Variants in ALG13 observed in about 807,000 individuals in gnomAD.
The protein encoded by ALG13 is UDP-N-acetylglucosamine transferase subunit ALG13.
In ALG13, 11 loss-of-function variants were observed where a neutral mutation model predicts 87.8. The ratio of observed to expected loss-of-function variants is 0.13; its 90% confidence interval spans 0.08 to 0.21. The LOEUF (loss-of-function observed/expected upper bound fraction) is 0.21, where lower values mean the gene tolerates loss of function less well. Among genes scored for constraint, ALG13 ranks in the 10% least tolerant of loss-of-function variants. The pLI, the probability that ALG13 is intolerant of heterozygous loss-of-function variation, is 1.00. For missense variants in ALG13, 756 were observed against 866.1 expected (o/e 0.87, Z 1.60); for synonymous variants, 320 against 306.3 (o/e 1.04, Z -0.47).
chrX:111,688,363 C>A, intron 3 of ALG13: 1 of 718,795 alleles, frequency 1.4e-6, no homozygotes, highest in African/African-American at 2.3e-5. Context: ...GAAACAGTAA[C>A]AACTTTTATG....
At position 111,735,060 on chromosome X, in the gene ALG13, G is replaced by T; in HGVS notation, c.2467G>T (p.Asp823Tyr). The T allele has an allele frequency of 8.5e-7, 1 of 1,173,962 alleles. No homozygotes were observed. The highest frequency in any genetic ancestry group is 3.0e-5 in the East Asian group (1 of 33,479). The change falls in exon 22 of 27, where the codon GAC (aspartate) becomes TAC (tyrosine). Residue 823 changes from aspartate to tyrosine, a missense_variant. Coordinates refer to ENST00000394780, the MANE Select transcript of ALG13 (RefSeq NM_001099922.3). Reference protein sequence around the residue: ...TASTANLSLQDRKSCSMSPQD... With the variant: ...TASTANLSLQYRKSCSMSPQD... ...TATTTTTGTATTAAAGTCTCTTCAG[G>T]ACAGAAAGTCATGTTCTATGTCTCC...
intron 3 of ALG13, chrX:111,690,142 A>G (rs1018676592): frequency 2.7e-5 from 20 of 750,878 alleles, no homozygotes; most frequent in Admixed American, 2.6e-4. Flanking sequence ...TTTACATCTT[A>G]TTAGTCCTTA....
intron 23 of ALG13, among the ~76,000 whole-genome samples, chrX:111,741,221 G>T (rs777858148): frequency 1.1e-3 from 121 of 111,707 alleles, no homozygotes; most frequent in Non-Finnish European, 1.9e-3. Context: ...AGGTCAAAGG[G>T]CCCAGGTTCT....
intron 23 of ALG13, among the ~76,000 whole-genome samples, chrX:111,739,113 A>G (rs188861025): frequency 1.1e-4 from 12 of 112,247 alleles, no homozygotes; most frequent in African/African-American, 3.2e-4. Flanking sequence ...ATTTACTCAC[A>G]GTTCTGCATG....
intron 1 of ALG13, 23 bp from the exon 2 acceptor site, chrX:111,682,109 C>T: frequency 3.5e-6 from 4 of 1,156,347 alleles, no homozygotes; most frequent in Non-Finnish European, 4.6e-6. Flanking sequence ...AAAAGGCCCT[C>T]ACATTCTGAT....
chrX:111,696,565 A>G (rs1936991419), intron 3 of ALG13, among the ~76,000 whole-genome samples: 1 of 112,122 alleles, frequency 8.9e-6, no homozygotes, highest in Non-Finnish European at 1.9e-5. Flanking sequence ...GACATACCTC[A>G]TTTAATTGGT....
At chrX:111,752,449 T>C (rs1944838028) in intron 24 of ALG13, among the ~76,000 whole-genome samples, 1 of 110,446 alleles carries the variant, frequency 9.1e-6, no homozygotes, top group South Asian at 3.9e-4. Context: ...GGAGTCTCGC[T>C]CTGTCACCCA....
chrX:111,719,641 C>T (rs1941156784), intron 10 of ALG13, among the ~76,000 whole-genome samples: 1 of 111,935 alleles, frequency 8.9e-6, no homozygotes, highest in Admixed American at 9.5e-5. Context: ...TTATCTGGAG[C>T]TTTGACTGGA....
rs1602730496 is a variant in ALG13, at chrX:111,724,970, C to G, written c.1638C>G (p.Thr546=). The change falls in exon 15 of 27, where the codon ACC becomes ACG. Residue 546 remains threonine (T), a synonymous_variant. Transcript: ENST00000394780. ...CACTGGCTAACTTAAAACCAGTTAC[C>G]CAAGTGATGTCTGTTCCTGCCTGGA... ...VVPLANLKPV[T]QVMSVPAWNA... 1 of 1,210,160 alleles carries G rather than the reference C, an allele frequency of 8.3e-7. No individual in the cohort carries two copies. The highest frequency in any genetic ancestry group is 2.3e-4 in the Middle Eastern group (1 of 4,349).
chrX:111,698,776 G>A (rs1224976232), intron 3 of ALG13, among the ~76,000 whole-genome samples: 1 of 111,608 alleles, frequency 9.0e-6, no homozygotes. Flanking sequence ...TGGACACTTA[G>A]GTTGTTTCCT....
chrX:111,685,939 T>C (rs1247980530), intron 3 of ALG13, among the ~76,000 whole-genome samples: 1 of 111,933 alleles, frequency 8.9e-6, no homozygotes, highest in Non-Finnish European at 1.9e-5. Flanking sequence ...CAAGGGAATA[T>C]AATAGAAGAT....
At chrX:111,757,495 T>G in intron 25 of ALG13, 93 bp from the exon 26 acceptor site, 1 of 288,048 alleles carries the variant, frequency 3.5e-6, no homozygotes. Context: ...CAATTCTTAT[T>G]TTTTTTTTTT....
At chrX:111,695,229 A>G (rs750069479) in intron 3 of ALG13, among the ~76,000 whole-genome samples, 5 of 111,868 alleles carry the variant, frequency 4.5e-5, no homozygotes, top group Non-Finnish European at 7.5e-5. Flanking sequence ...TCTTAAGTCA[A>G]AAAACAACCT....
chrX:111,712,542 C>T lies in ALG13; in HGVS notation c.932+12C>T. The T allele has an allele frequency of 8.9e-7, 1 of 1,121,147 alleles. No homozygotes were observed. The highest frequency in any genetic ancestry group is 1.2e-6 in the Non-Finnish European group (1 of 828,934). 92.4% of individuals were successfully genotyped at this position (1,121,147 alleles called of 1,213,427 possible). Reference sequence around the variant, plus strand: ...TCTCTAATTTATAAGTAAGTTATATCCTCTTTTCTTTGAGAGTGGGTATGT... The same window carrying T: ...TCTCTAATTTATAAGTAAGTTATATTCTCTTTTCTTTGAGAGTGGGTATGT... On this transcript the variant is annotated intron_variant, in intron 7 of 26. Coordinates refer to ENST00000394780, the MANE Select transcript of ALG13 (RefSeq NM_001099922.3).
intron 21 of ALG13, among the ~76,000 whole-genome samples, chrX:111,732,094 G>C (rs906139030): frequency 9.0e-6 from 1 of 111,640 alleles, no homozygotes; most frequent in Non-Finnish European, 1.9e-5. Context: ...GTGAGTCCCT[G>C]TATGCAAGGA....
chrX:111,681,735 T>C (rs1222831477), intron 1 of ALG13: 22 of 831,491 alleles, frequency 2.6e-5, no homozygotes, highest in Non-Finnish European at 3.2e-5. Context: ...AGAGCCCGGC[T>C]CCTTCCCCTC....
chrX:111,689,907 A>T, intron 3 of ALG13: 2 of 753,955 alleles, frequency 2.7e-6, no homozygotes. Flanking sequence ...TTTCACACTT[A>T]ACTGGGTTTT....
intron 24 of ALG13, among the ~76,000 whole-genome samples, chrX:111,745,530 T>G (rs1365882771): frequency 9.0e-6 from 1 of 110,688 alleles, no homozygotes; most frequent in Non-Finnish European, 1.9e-5. Context: ...TGCTTCTCTA[T>G]TTTTGCTTTT....
At chrX:111,726,686 T>G in intron 15 of ALG13, 123 bp from the exon 16 acceptor site, 23 of 753,483 alleles carry the variant, frequency 3.1e-5, no homozygotes, top group South Asian at 5.1e-5. Flanking sequence ...TCCCTCCCTA[T>G]GTTTATTTGG....
Sources: gnomAD v4.1 joint callset for allele counts (sites outside exome capture counted in the v4.1 genomes callset) on GRCh38, gnomAD v4.1.1 for gene constraint, MANE v1.5 for transcripts, NCBI Gene and HGNC (gene_info 2026-07-23, HGNC 2026-07-21) for gene names.